Variants in PHF8 observed in about 807,000 individuals in gnomAD.
PHF8 encodes the protein histone lysine demethylase PHF8.
Under a neutral mutation model 74.4 loss-of-function variants are expected in PHF8, and 9 were observed. The observed-to-expected ratio is 0.12, with a 90% CI of 0.07 to 0.21. The LOEUF (loss-of-function observed/expected upper bound fraction) is 0.21. PHF8 is among the 10% of genes least tolerant of loss of function. The pLI is 1.00. For synonymous variants in PHF8, 311 were observed against 316.6 expected, an observed-to-expected ratio of 0.98 and a Z score of 0.19; for missense variants, 478 against 816.6, an observed-to-expected ratio of 0.59 and a Z score of 5.05.
rs782391323 is a variant in PHF8, at chrX:53,944,254, A to G, written c.2540-11T>C. ...TTGGGGTCACGCGGGCTGCAAGGGA[A>G]ACAGGATGAGAAGGTGTCACTAAGA... On this transcript the variant is annotated splice_polypyrimidine_tract_variant and intron_variant, in intron 19 of 21. Transcript: ENST00000338154. 33 of 1,159,204 alleles carry G rather than the reference A, an allele frequency of 2.8e-5. No individual in the cohort carries two copies. Among genetic ancestry groups the G allele is most frequent in the Admixed American group, 8.7e-5 (4 of 45,790 alleles).
intron 4 of PHF8, among the ~76,000 whole-genome samples, chrX:54,021,571 C>A (rs2146453308): frequency 9.8e-6 from 1 of 102,501 alleles, no homozygotes; most frequent in East Asian, 3.1e-4. Context: ...CGGGTTCACG[C>A]CATTCTCCTG....
intron 8 of PHF8, among the ~76,000 whole-genome samples, chrX:54,004,773 A>G (rs1324331262): frequency 1.8e-5 from 2 of 109,945 alleles, no homozygotes; most frequent in Non-Finnish European, 3.8e-5. Flanking sequence ...TACTAAAAAT[A>G]TAAAAATTAG....
Position 54,022,333 on chromosome X carries a change from A to G in PHF8, c.219T>C (p.Asp73=). 8.3e-7 allele frequency: 1 copy of G among 1,206,081 alleles called. No individual in the cohort carries two copies. The highest frequency in any genetic ancestry group is 1.1e-6 in the Non-Finnish European group (1 of 890,366). The change falls in exon 4 of 22, where the codon GAT becomes GAC. Residue 73 remains aspartate, a synonymous_variant. Coordinates refer to ENST00000338154, the MANE Select transcript of PHF8 (RefSeq NM_015107.3). ...KKRRGSSKGH[D]THKGKPVKTG... ...TCTTCACTGGTTTCCCCTTGTGTGT[A>G]TCATGCCCCTTTGAAGATCCACGGC...
intron 2 of PHF8, among the ~76,000 whole-genome samples, chrX:54,041,773 T>C (rs1364552994): frequency 8.9e-6 from 1 of 112,529 alleles, no homozygotes; most frequent in Non-Finnish European, 1.9e-5. Flanking sequence ...CTTCCATTTC[T>C]GCCTCCATTT....
intron 2 of PHF8, among the ~76,000 whole-genome samples, chrX:54,023,841 CAAAA>C (rs782579990): frequency 2.6e-5 from 1 of 39,189 alleles, no homozygotes. Flanking sequence ...ACCCTGTCTC[CAAAA>C]AAAAAAAAAA....
At chrX:54,048,076 C>CTACTCAG (rs1178735133), upstream of PHF8, among the ~76,000 whole-genome samples, 1 of 110,340 alleles carries the variant, frequency 9.1e-6, no homozygotes, top group Non-Finnish European at 1.9e-5. Flanking sequence ...GTAGTCCCAG[C>CTACTCAG]TACTCAGGAG....
chrX:53,967,336 C>T (rs1557093208), intron 18 of PHF8, among the ~76,000 whole-genome samples: 1 of 95,277 alleles, frequency 1.0e-5, no homozygotes, highest in African/African-American at 3.8e-5. Context: ...GCCCCCCGCC[C>T]GGCCAGCCGC....
In PHF8 at chrX:54,014,373, C is replaced by G; in HGVS notation, c.783+4G>C. 1 of 1,202,978 alleles carries G rather than the reference C, an allele frequency of 8.3e-7. No homozygotes were observed. Among genetic ancestry groups the G allele is most frequent in the Non-Finnish European group, 1.1e-6 (1 of 887,447 alleles). Reference sequence around the variant, plus strand: ...CTGCCTCCAGAAGCCATGCGCATTCCTACCTTGAGTACATGGTACCAGACA... The same window carrying G: ...CTGCCTCCAGAAGCCATGCGCATTCGTACCTTGAGTACATGGTACCAGACA... On this transcript the variant is annotated splice_donor_region_variant and intron_variant, in intron 7 of 21. Coordinates refer to ENST00000338154, the MANE Select transcript of PHF8 (RefSeq NM_015107.3).
At chrX:53,991,715 A>G (rs1049088763) in intron 14 of PHF8, among the ~76,000 whole-genome samples, 163 of 107,535 alleles carry the variant, frequency 1.5e-3, no homozygotes, top group African/African-American at 5.4e-3. Context: ...TATAAAATAT[A>G]TAACTAGGCC....
chrX:53,943,444 G>A, intron 20 of PHF8: 3 of 1,058,019 alleles, frequency 2.8e-6, no homozygotes, highest in Non-Finnish European at 3.7e-6. Flanking sequence ...CAGGGCTATT[G>A]GGCAGATAGA....
At chrX:53,979,396 A>T (rs1328606726) in intron 18 of PHF8, among the ~76,000 whole-genome samples, 1 of 111,443 alleles carries the variant, frequency 9.0e-6, no homozygotes, top group Non-Finnish European at 1.9e-5. Context: ...ATAAATAAAT[A>T]AAATAAAAAT....
intron 9 of PHF8, 98 bp downstream of exon 9, chrX:54,002,497 C>A (rs1437170522): frequency 1.7e-6 from 1 of 593,126 alleles, no homozygotes; most frequent in African/African-American, 2.2e-5. Flanking sequence ...GAACGAGGAA[C>A]CATTCCTTTC....
intron 18 of PHF8, among the ~76,000 whole-genome samples, chrX:53,966,233 C>T (rs2034631152): frequency 9.0e-6 from 1 of 111,186 alleles, no homozygotes; most frequent in Non-Finnish European, 1.9e-5. Context: ...TCTCCCTCTC[C>T]CCACGGTCTC....
chrX:53,953,298 C>CA (rs1309607616), intron 19 of PHF8, among the ~76,000 whole-genome samples: 13 of 89,321 alleles, frequency 1.5e-4, no homozygotes, highest in African/African-American at 2.9e-4. Context: ...AAAACAACAA[C>CA]AAAAAAAAAC....
intron 8 of PHF8, among the ~76,000 whole-genome samples, chrX:54,009,931 CACAA>C (rs1172142911): frequency 4.5e-5 from 4 of 89,559 alleles, no homozygotes; most frequent in Non-Finnish European, 8.9e-5. Flanking sequence ...AGAAAATTGA[CACAA>C]ACAAAAGAGA....
At chrX:53,973,848 T>C (rs1453090113) in intron 18 of PHF8, among the ~76,000 whole-genome samples, 2 of 111,078 alleles carry the variant, frequency 1.8e-5, no homozygotes, top group Non-Finnish European at 3.8e-5. Flanking sequence ...ATAATCAGAG[T>C]GAACAGACAA....
chrX:54,042,568 AAG>A, intron 2 of PHF8, 61 bp downstream of exon 2: 2 of 965,569 alleles, frequency 2.1e-6, no homozygotes, highest in Non-Finnish European at 1.5e-6. Flanking sequence ...CTGAGAAAGG[AAG>A]AGAGAGCAAG....
rs1398649283 is a variant in PHF8 at position 53,985,221 on chromosome X, G to A, written c.2136C>T (p.Ala712=). Residue 712 remains alanine, a synonymous_variant, in exon 18 of 22, where the codon GCC becomes GCT. Coordinates refer to ENST00000338154, the MANE Select transcript of PHF8 (RefSeq NM_015107.3). The part of the protein sequence containing the change: ...GGPDYAALTE[A]PASPSTQEAI... ...CCTCCTGAGTGCTGGGAGAAGCTGG[G>A]GCCTCGCTGCAAGGAACAGAGGAGA... 45 of 1,194,729 alleles carry A rather than the reference G, an allele frequency of 3.8e-5. No individual in the cohort carries two copies. Among genetic ancestry groups the A allele is most frequent in the Non-Finnish European group, 5.0e-5 (44 of 885,029 alleles).
chrX:53,938,954 A>G lies in PHF8; in HGVS notation c.*204T>C, dbSNP rs1557082589. ...CCATTTACCTGCTCCTCAGTGGAGAAGGCAGGCAGGATGCTCTAGTGAAAG... is the reference window on the plus strand; with the variant it reads ...CCATTTACCTGCTCCTCAGTGGAGAGGGCAGGCAGGATGCTCTAGTGAAAG... On this transcript the variant is annotated 3_prime_UTR_variant, in exon 22 of 22. Coordinates refer to ENST00000338154, the MANE Select transcript of PHF8 (RefSeq NM_015107.3). 1.3e-5 allele frequency: 13 copies of G among 997,827 alleles called. No individual in the cohort carries two copies. The highest frequency in any genetic ancestry group is 1.6e-5 in the Non-Finnish European group (13 of 791,392). The allele number at this position is 997,827 out of a possible 1,213,427, so 82.2% of individuals were successfully genotyped here. A position where few individuals can be genotyped will look rare whatever the true frequency, so the allele number is the denominator to read the frequency against.
Sources: allele counts gnomAD v4.1 joint callset (sites outside exome capture counted in the v4.1 genomes callset), GRCh38; gene constraint gnomAD v4.1.1; transcripts MANE v1.5; gene names NCBI Gene and HGNC (gene_info 2026-07-23, HGNC 2026-07-21).